FAM174B: variants seen among roughly 807,000 people sequenced by gnomAD.
The protein encoded by FAM174B is family with sequence similarity 174 member B, also known as membrane protein FAM174B.
FAM174B carries 12 observed loss-of-function variants against 10.9 expected under a neutral mutation model. That is an observed-to-expected ratio of 1.10 (90% CI 0.71 to 1.79). The LOEUF is 1.79. FAM174B is among the 40% of genes most tolerant of loss of function. The probability of loss-of-function intolerance (pLI) is 0.00; values close to 1 mark genes in which losing one functional copy is unlikely to be tolerated. For missense variants in FAM174B, 266 were observed against 233.3 expected (o/e 1.14, Z -0.91); for synonymous variants, 132 against 115.8 (o/e 1.14, Z -0.90).
At chr15:92,632,662 A>G (rs1405410381) in intron 1 of FAM174B, among the ~76,000 whole-genome samples, 2 of 149,918 alleles carry the variant, frequency 1.3e-5, no homozygotes, top group Non-Finnish European at 3.0e-5. Context: ...GGTGCACACC[A>G]CCACAACCTG....
In FAM174B at chr15:92,619,079, A is replaced by G. The variant is rs1040281617; in HGVS notation, c.*377T>C. ...GTTGGACATCCTTCAGGCTTGTTTTAGATTCTTGATCCTCCTGATCTCTTT... is the reference window on the plus strand; with the variant it reads ...GTTGGACATCCTTCAGGCTTGTTTTGGATTCTTGATCCTCCTGATCTCTTT... On this transcript the variant is annotated 3_prime_UTR_variant, in exon 3 of 3. Coordinates refer to ENST00000327355, the MANE Select transcript of FAM174B (RefSeq NM_207446.3). 34 of 622,110 alleles carry G rather than the reference A, an allele frequency of 5.5e-5. No homozygotes were observed. The highest frequency in any genetic ancestry group is 6.0e-5 in the Non-Finnish European group (21 of 348,608). The allele number at this position is 622,110 out of a possible 1,614,324, so 38.5% of individuals were successfully genotyped here. A position where few individuals can be genotyped will look rare whatever the true frequency, so the allele number is the denominator to read the frequency against.
chr15:92,632,635 G>C (rs2050826778), intron 1 of FAM174B, among the ~76,000 whole-genome samples: 2 of 151,980 alleles, frequency 1.3e-5, no homozygotes, highest in South Asian at 4.1e-4. Context: ...TCAGCCTCCT[G>C]AGAAGCTGGG....
intron 1 of FAM174B, among the ~76,000 whole-genome samples, chr15:92,635,950 G>C (rs910376190): frequency 6.6e-6 from 1 of 152,214 alleles, no homozygotes; most frequent in East Asian, 1.9e-4. Context: ...GGAAATTTAG[G>C]AACAGAGCCA....
At chr15:92,648,435 A>G (rs764563927) in intron 1 of FAM174B, among the ~76,000 whole-genome samples, 1 of 152,170 alleles carries the variant, frequency 6.6e-6, no homozygotes, top group Non-Finnish European at 1.5e-5. Context: ...CTGTTTACTC[A>G]GCCGTGTTTG....
At position 92,617,907 on chromosome 15, in the gene FAM174B, T is replaced by C; in HGVS notation, c.*1549A>G. The stretch of plus-strand genomic sequence containing the variant: ...GCAATACCATGCGTGCTGGGCCGGC[T>C]GCGCCACCCTCACCCAGGGCTTCCC... On this transcript the variant is annotated 3_prime_UTR_variant, in exon 3 of 3. Coordinates refer to ENST00000327355, the MANE Select transcript of FAM174B (RefSeq NM_207446.3). 2.4e-6 allele frequency: 1 copy of C among 413,558 alleles called. No homozygotes were observed. 25.6% of individuals were successfully genotyped at this position (413,558 alleles called of 1,614,324 possible).
intron 2 of FAM174B, among the ~76,000 whole-genome samples, chr15:92,623,768 G>A (rs1008562865): frequency 1.1e-4 from 16 of 152,324 alleles, no homozygotes; most frequent in Admixed American, 4.6e-4. Context: ...CTGTCTGTGA[G>A]TATGTCTGAG....
Position 92,618,833 on chromosome 15 carries a change from T to G in FAM174B, c.*623A>C. The G allele has an allele frequency of 7.7e-6, 1 of 130,394 alleles. No homozygotes were observed. Among genetic ancestry groups the G allele is most frequent in the Non-Finnish European group, 1.5e-5 (1 of 66,506 alleles). 8.1% of individuals were successfully genotyped at this position (130,394 alleles called of 1,614,324 possible). ...CACGCTGATTTCTGCTGAACCTTTT[T>G]TTTTTTTAAAAAAAAAAAAAAAGGA... is the stretch of plus-strand genomic sequence containing the variant. On this transcript the variant is annotated 3_prime_UTR_variant, in exon 3 of 3. Coordinates refer to ENST00000327355, the MANE Select transcript of FAM174B (RefSeq NM_207446.3).
intron 1 of FAM174B, among the ~76,000 whole-genome samples, chr15:92,632,756 A>G (rs1276001457): frequency 6.6e-6 from 1 of 151,752 alleles, no homozygotes; most frequent in Non-Finnish European, 1.5e-5. Context: ...TCCTGAACTC[A>G]AGCGATCCTC....
At position 92,617,846 on chromosome 15, in the gene FAM174B, A is replaced by G; in HGVS notation, c.*1610T>C. ...AAAGTCAACAAAGAAGGTGAAATGCAGGGAGCAGAGACTACACGCAGGCCC... is the reference window on the plus strand; with the variant it reads ...AAAGTCAACAAAGAAGGTGAAATGCGGGGAGCAGAGACTACACGCAGGCCC... On this transcript the variant is annotated 3_prime_UTR_variant, in exon 3 of 3. Coordinates refer to ENST00000327355, the MANE Select transcript of FAM174B (RefSeq NM_207446.3). 8.1e-6 allele frequency: 4 copies of G among 490,848 alleles called. No homozygotes were observed. The highest frequency in any genetic ancestry group is 3.3e-5 in the South Asian group (1 of 30,354). The allele number at this position is 490,848 out of a possible 1,614,324, so 30.4% of individuals were successfully genotyped here.
intron 1 of FAM174B, among the ~76,000 whole-genome samples, chr15:92,648,998 CT>C (rs1220931493): frequency 3.3e-5 from 5 of 152,224 alleles, no homozygotes; most frequent in Non-Finnish European, 5.9e-5. Flanking sequence ...TCCATGAAGG[CT>C]TCTTTGCTTA....
chr15:92,631,413 AAT>A (rs1339099338), intron 1 of FAM174B, among the ~76,000 whole-genome samples: 1,413 of 41,414 alleles, frequency 0.034, 220 homozygotes, highest in African/African-American at 0.061. Flanking sequence ...TATTATATAT[AAT>A]ATATAATATA....
In FAM174B at chr15:92,631,229, A is replaced by T. The variant is rs533761337; in HGVS notation, c.345-884T>A. ...ATATATTATATATTATATTATATAT[A>T]ATATATTATATATTATATTATATAT... On this transcript the variant is annotated intron_variant, in intron 1 of 2. Coordinates refer to ENST00000327355, the MANE Select transcript of FAM174B (RefSeq NM_207446.3). Among the ~76,000 whole-genome samples, 2 of 2,682 alleles carry T rather than the reference A, an allele frequency of 7.5e-4. 1 individual carries two copies. Among genetic ancestry groups the T allele is most frequent in the Non-Finnish European group, 1.9e-3 (2 of 1,060 alleles). The allele number at this position is 2,682 out of a possible 152,430, so 1.8% of individuals were successfully genotyped here.
chr15:92,636,610 G>C lies in FAM174B; in HGVS notation c.345-6265C>G, dbSNP rs373786960. On this transcript the variant is annotated intron_variant, in intron 1 of 2. Transcript: ENST00000327355. ...AGTGCCGCACAACTACCCATGGTCT[G>C]AAATGTGCCGCGGAGATAGGCTGCA... 2.7e-4 allele frequency among the ~76,000 whole-genome samples: 41 copies of C among 151,072 alleles called. No individual in the cohort carries two copies. The Middle Eastern group carries it at 0.017, about 63-fold the overall frequency.
At chr15:92,652,634 GCA>G (rs757081572) in intron 1 of FAM174B, among the ~76,000 whole-genome samples, 1 of 152,200 alleles carries the variant, frequency 6.6e-6, no homozygotes, top group Non-Finnish European at 1.5e-5. Flanking sequence ...AAGGTTGGAG[GCA>G]CGAACCCCAG....
intron 2 of FAM174B, among the ~76,000 whole-genome samples, chr15:92,626,157 G>A (rs1297419968): frequency 6.6e-5 from 3 of 45,480 alleles, no homozygotes; most frequent in Non-Finnish European, 1.1e-4. Flanking sequence ...GGAGTGCACT[G>A]GCGCGATCTT....
At chr15:92,621,939 G>A (rs1445147730) in intron 2 of FAM174B, among the ~76,000 whole-genome samples, 4 of 152,212 alleles carry the variant, frequency 2.6e-5, no homozygotes, top group Admixed American at 1.3e-4. Context: ...GAGGATGAAG[G>A]GTGGGGGCAC....
chr15:92,620,453 G>A (rs1463075759), intron 2 of FAM174B, among the ~76,000 whole-genome samples: 4 of 152,088 alleles, frequency 2.6e-5, no homozygotes, highest in African/African-American at 7.2e-5. Flanking sequence ...AGCAGAGATC[G>A]CACCACTGCA....
intron 1 of FAM174B, among the ~76,000 whole-genome samples, chr15:92,631,392 ATAT>A (rs1338865613): frequency 0.025 from 789 of 31,452 alleles, 80 homozygotes; most frequent in Non-Finnish European, 0.032. Context: ...TATATATTAT[ATAT>A]TATATTATAT....
At chr15:92,637,232 G>C (rs1004928432) in intron 1 of FAM174B, among the ~76,000 whole-genome samples, 1 of 152,236 alleles carries the variant, frequency 6.6e-6, no homozygotes, top group African/African-American at 2.4e-5. Context: ...TGTGAAGGCT[G>C]GAACAGGGCA....
Sources: gnomAD v4.1 joint callset for allele counts (sites outside exome capture counted in the v4.1 genomes callset) on GRCh38, gnomAD v4.1.1 for gene constraint, MANE v1.5 for transcripts, NCBI Gene and HGNC (gene_info 2026-07-23, HGNC 2026-07-21) for gene names.